RIN2: variants seen among roughly 807,000 people sequenced by gnomAD.
RIN2 encodes the protein RAB5 interacting protein 2.
A neutral mutation model predicts 78.0 loss-of-function variants in RIN2; 36 were observed. That is an observed-to-expected ratio of 0.46 (90% CI 0.35 to 0.61). The LOEUF (loss-of-function observed/expected upper bound fraction) is 0.61. Ranked by LOEUF, RIN2 falls within the 20% of genes least tolerant of loss-of-function variation. The probability of loss-of-function intolerance (pLI) is 0.00; values close to 1 mark genes in which losing one functional copy is unlikely to be tolerated. For missense variants in RIN2, 1,087 were observed against 1,159.7 expected, an observed-to-expected ratio of 0.94 and a Z score of 0.91; for synonymous variants, 466 against 466.8, an observed-to-expected ratio of 1.00 and a Z score of 0.02.
rs190675698 is a variant in RIN2 at position 19,840,043 on chromosome 20, G to A, written c.-37+40296G>A. On this transcript the variant is annotated intron_variant, in intron 2 of 12. Transcript: ENST00000255006. Reference sequence around the variant, plus strand: ...ACCAAATGATAACAGTGGTTACTTCGAGGTGGCAAGATTATCAATGTTTTT... The same window carrying A: ...ACCAAATGATAACAGTGGTTACTTCAAGGTGGCAAGATTATCAATGTTTTT... Among the ~76,000 whole-genome samples, 259 of 152,278 alleles carry A rather than the reference G, an allele frequency of 1.7e-3. 2 individuals are homozygous for A. Among genetic ancestry groups the A allele is most frequent in the South Asian group, 0.016 (78 of 4,816 alleles).
chr20:19,975,879 G>C lies in RIN2; in HGVS notation c.1762+92G>C. The C allele has an allele frequency of 7.9e-7, 1 of 1,262,860 alleles. No individual in the cohort carries two copies. Among genetic ancestry groups the C allele is most frequent in the Admixed American group, 2.0e-5 (1 of 50,284 alleles). The allele number at this position is 1,262,860 out of a possible 1,614,324, so 78.2% of individuals were successfully genotyped here. ...TGTTATTTTTTATGAAGTTTACTCC[G>C]AAGTTCAAAACAACACCCAGCTCCA... On this transcript the variant is annotated intron_variant, in intron 9 of 12. Coordinates refer to ENST00000255006, the MANE Select transcript of RIN2 (RefSeq NM_018993.4). This position sits in a 1 kb window ranked among gnomAD's most constrained non-coding sequence, Gnocchi z 4.9.
intron 2 of RIN2, among the ~76,000 whole-genome samples, chr20:19,816,346 T>C (rs1050766095): frequency 1.3e-5 from 2 of 152,188 alleles, no homozygotes; most frequent in African/African-American, 2.4e-5. Flanking sequence ...CTACCTCCAT[T>C]TGATATCACC....
chr20:19,910,464 T>G (rs964000596), intron 3 of RIN2, among the ~76,000 whole-genome samples: 17 of 149,874 alleles, frequency 1.1e-4, no homozygotes, highest in Non-Finnish European at 4.5e-5. Context: ...TAAGCCACCA[T>G]GCTTGGCCTT....
Position 19,861,166 on chromosome 20 carries a change from C to T in RIN2, c.-36-28400C>T, listed in dbSNP as rs561553540. Among the ~76,000 whole-genome samples, 33 of 152,286 alleles carry T rather than the reference C, an allele frequency of 2.2e-4. No homozygotes were observed. In the South Asian group the frequency reaches 6.4e-3, roughly 30 times the overall value. On this transcript the variant is annotated intron_variant, in intron 2 of 12. Coordinates refer to ENST00000255006, the MANE Select transcript of RIN2 (RefSeq NM_018993.4). ...GATCAGTCTCCGGGCAGATGTCACA[C>T]TATTCCTTCTACCCTTCTTGATCCT...
intron 7 of RIN2, 58 bp from the exon 8 acceptor site, chr20:19,970,780 C>A: frequency 7.5e-7 from 1 of 1,324,940 alleles, no homozygotes; most frequent in Non-Finnish European, 1.1e-6. Context: ...TGAAAATAAA[C>A]ACAAGATAGA....
In RIN2 at chr20:19,977,277, C is replaced by A. The variant is rs1030551924; in HGVS notation, c.1762+1490C>A. Among the ~76,000 whole-genome samples the A allele has an allele frequency of 4.7e-4, 72 of 152,268 alleles. 1 individual carries two copies. Among genetic ancestry groups the A allele is most frequent in the African/African-American group, 1.7e-3 (70 of 41,554 alleles). On this transcript the variant is annotated intron_variant, in intron 9 of 12. Transcript: ENST00000255006. The stretch of plus-strand genomic sequence containing the variant: ...AACCAGCCCACAGTGCCTGGCCTTC[C>A]CTCCCTGCTGATGCTGTAAGAACCA...
chr20:19,905,345 G>C (rs2039172969), intron 3 of RIN2, among the ~76,000 whole-genome samples: 1 of 152,188 alleles, frequency 6.6e-6, no homozygotes, highest in Non-Finnish European at 1.5e-5. Context: ...GGACAAGAGA[G>C]GGGCAGGAGA....
intron 2 of RIN2, among the ~76,000 whole-genome samples, chr20:19,879,013 G>GGT (rs1259398403): frequency 6.6e-6 from 1 of 152,218 alleles, no homozygotes; most frequent in Non-Finnish European, 1.5e-5. Flanking sequence ...AGAACATTGA[G>GGT]AGGAAAACCC....
Position 19,892,240 on chromosome 20 carries a change from G to A in RIN2, c.57+2582G>A, listed in dbSNP as rs538985725. ...TTAATTAATTAATTTATTTTGAGACGGAGCCTCATTCTTTCACCCAGGCTG... is the reference window on the plus strand; with the variant it reads ...TTAATTAATTAATTTATTTTGAGACAGAGCCTCATTCTTTCACCCAGGCTG... On this transcript the variant is annotated intron_variant, in intron 3 of 12. Coordinates refer to ENST00000255006, the MANE Select transcript of RIN2 (RefSeq NM_018993.4). Among the ~76,000 whole-genome samples, 309 of 152,098 alleles carry A rather than the reference G, an allele frequency of 2.0e-3. 3 individuals are homozygous for A. The highest frequency in any genetic ancestry group is 3.7e-3 in the Non-Finnish European group (252 of 67,990).
At chr20:19,995,260 T>TAAAA (rs1601086319) in intron 11 of RIN2, among the ~76,000 whole-genome samples, 3 of 118,558 alleles carry the variant, frequency 2.5e-5, no homozygotes, top group African/African-American at 1.4e-4. Context: ...TGTTTTTTTT[T>TAAAA]TAAAAAAAAA....
At chr20:19,827,810 CT>C (rs34007899) in intron 2 of RIN2, among the ~76,000 whole-genome samples, 14,811 of 138,228 alleles carry the variant, frequency 0.11, 837 homozygotes, top group South Asian at 0.22. Flanking sequence ...TTCTTTTTTT[CT>C]TTTTTTTTTT....
At chr20:19,831,635 T>A (rs1165574967) in intron 2 of RIN2, among the ~76,000 whole-genome samples, 1 of 152,232 alleles carries the variant, frequency 6.6e-6, no homozygotes, top group Non-Finnish European at 1.5e-5. Flanking sequence ...GTCAAGTACT[T>A]GAGATTATAT....
intron 2 of RIN2, among the ~76,000 whole-genome samples, chr20:19,874,808 A>C (rs940936349): frequency 3.3e-5 from 5 of 152,126 alleles, no homozygotes; most frequent in African/African-American, 1.2e-4. Context: ...AAGGGGCCCT[A>C]AAGAGGGAAT....
intron 4 of RIN2, among the ~76,000 whole-genome samples, chr20:19,950,960 G>A (rs576458359): frequency 6.6e-6 from 1 of 150,698 alleles, no homozygotes; most frequent in Non-Finnish European, 1.5e-5. Context: ...TGCCATCTCA[G>A]CTCACTGCAA....
chr20:19,911,756 T>C (rs886749170), intron 3 of RIN2, among the ~76,000 whole-genome samples: 2 of 152,260 alleles, frequency 1.3e-5, no homozygotes, highest in Admixed American at 1.3e-4. Flanking sequence ...TTTGCTTCAG[T>C]GTCACATACA....
In RIN2 at chr20:19,918,325, G is replaced by A. The variant is rs1298331988; in HGVS notation, c.58-16774G>A. Among the ~76,000 whole-genome samples, 5 of 151,074 alleles carry A rather than the reference G, an allele frequency of 3.3e-5. No homozygotes were observed. In the East Asian group the frequency reaches 5.9e-4, roughly 18 times the overall value. On this transcript the variant is annotated intron_variant, in intron 3 of 12. Coordinates refer to ENST00000255006, the MANE Select transcript of RIN2 (RefSeq NM_018993.4). ...ACTTCAGGGATAATTTTCAAAAAACGAAAAAACGTGACTCTCATACAAATA... is the reference window on the plus strand; with the variant it reads ...ACTTCAGGGATAATTTTCAAAAAACAAAAAAACGTGACTCTCATACAAATA...
intron 2 of RIN2, among the ~76,000 whole-genome samples, chr20:19,821,938 T>C (rs1426334316): frequency 1.3e-5 from 2 of 152,212 alleles, no homozygotes; most frequent in South Asian, 4.1e-4. Flanking sequence ...AGTAGAAGAA[T>C]GGCTGAGTGA....
intron 4 of RIN2, among the ~76,000 whole-genome samples, chr20:19,951,951 T>C (rs1384706594): frequency 6.6e-6 from 1 of 152,220 alleles, no homozygotes; most frequent in East Asian, 1.9e-4. Flanking sequence ...CGCTAGTTTC[T>C]ATGAATCTCA....
chr20:19,897,147 C>T (rs1050772084), intron 3 of RIN2, among the ~76,000 whole-genome samples: 14 of 152,132 alleles, frequency 9.2e-5, no homozygotes, highest in African/African-American at 3.4e-4. Context: ...TCTCTGTCGC[C>T]CAGACTGGAG....
Sources: gnomAD v4.1 joint callset for allele counts (sites outside exome capture counted in the v4.1 genomes callset) on GRCh38, gnomAD v4.1.1 for gene constraint, Gnocchi (gnomAD v3.1) non-coding constraint, MANE v1.5 for transcripts, NCBI Gene and HGNC (gene_info 2026-07-23, HGNC 2026-07-21) for gene names.